Variants in SOD2 observed in about 807,000 individuals in gnomAD.
The protein encoded by SOD2 is superoxide dismutase [Mn], mitochondrial.
In SOD2, 11 loss-of-function variants were observed where a neutral mutation model predicts 27.0. That is an observed-to-expected ratio of 0.41 (90% CI 0.26 to 0.67). The LOEUF (loss-of-function observed/expected upper bound fraction) is 0.67. Ranked by LOEUF, SOD2 falls within the 30% of genes least tolerant of loss-of-function variation. The pLI is 0.34. For synonymous variants in SOD2, 105 were observed against 103.0 expected (o/e 1.02, Z -0.12); for missense variants, 250 against 274.5 (o/e 0.91, Z 0.63).
In SOD2 at chr6:159,670,203, T is replaced by C. The variant is rs1254126476; in HGVS notation, c.*12290A>G. The C allele has an allele frequency of 1.3e-5, 2 of 152,560 alleles. No individual in the cohort carries two copies. The highest frequency in any genetic ancestry group is 4.8e-5 in the African/African-American group (2 of 41,454). The allele number at this position is 152,560 out of a possible 1,614,324, so 9.5% of individuals were successfully genotyped here. ...TTAACTTTCTGTAGAGATGGGGTCTTGCTTTGTTGCCCAGGCTGGTCTCAA... is the reference window on the plus strand; with the variant it reads ...TTAACTTTCTGTAGAGATGGGGTCTCGCTTTGTTGCCCAGGCTGGTCTCAA... On this transcript the variant is annotated 3_prime_UTR_variant, in exon 5 of 5. Transcript: ENST00000538183.
chr6:159,702,654 C>CAAAAAAAAAAAAAAAAAAAAAAAAA (rs750073120), intron 1 of SOD2, among the ~76,000 whole-genome samples: 11 of 39,834 alleles, frequency 2.8e-4, no homozygotes, highest in East Asian at 8.7e-4. Context: ...TCTATCTCTC[C>CAAAAAAAAAAAAAAAAAAAAAAAAA]AAAAAAAAAA....
chr6:159,737,015 A>T (rs1477920708), intron 1 of SOD2, among the ~76,000 whole-genome samples: 1 of 152,208 alleles, frequency 6.6e-6, no homozygotes, highest in African/African-American at 2.4e-5. Context: ...TGCTTTCATA[A>T]TCTGAGAATT....
chr6:159,686,168 A>C (rs776844160), intron 3 of SOD2, among the ~76,000 whole-genome samples: 1 of 152,154 alleles, frequency 6.6e-6, no homozygotes, highest in Non-Finnish European at 1.5e-5. Flanking sequence ...TCAAAATCTC[A>C]CTTCTCTTAT....
upstream of SOD2, among the ~76,000 whole-genome samples, chr6:159,694,761 A>T (rs1349471542): frequency 4.3e-5 from 6 of 140,530 alleles, no homozygotes; most frequent in Non-Finnish European, 6.1e-5. Flanking sequence ...ACGCCCCACT[A>T]TTTTTTTTTT....
Position 159,669,603 on chromosome 6 carries a change from T to C in SOD2, c.*12890A>G, listed in dbSNP as rs971905301. 2.6e-5 allele frequency: 4 copies of C among 152,168 alleles called. No individual in the cohort carries two copies. The highest frequency in any genetic ancestry group is 7.2e-5 in the African/African-American group (3 of 41,432). 9.4% of individuals were successfully genotyped at this position (152,168 alleles called of 1,614,324 possible). On this transcript the variant is annotated 3_prime_UTR_variant, in exon 5 of 5. Transcript: ENST00000538183. ...GGAGGACTGCTTTGAGACCCAGAGT[T>C]TGAGACTAGCCAGGCAACATAGCAT...
exon 1 of SOD2, chr6:159,761,724 A>G: frequency 2.7e-6 from 1 of 363,756 alleles, no homozygotes; most frequent in South Asian, 2.1e-5. Flanking sequence ...CAAGACGTCA[A>G]GTCGGGGAAC....
chr6:159,758,123 C>T (rs957089510), intron 1 of SOD2, among the ~76,000 whole-genome samples: 2 of 152,064 alleles, frequency 1.3e-5, no homozygotes, highest in Admixed American at 6.5e-5. Flanking sequence ...AGAGTGGCTT[C>T]TGCATCTAAT....
rs1024270944 is a variant in SOD2, at chr6:159,677,497, C to T, written c.*4996G>A. The T allele has an allele frequency of 1.3e-5, 2 of 152,160 alleles. No homozygotes were observed. Among genetic ancestry groups the T allele is most frequent in the African/African-American group, 4.8e-5 (2 of 41,418 alleles). The allele number at this position is 152,160 out of a possible 1,614,324, so 9.4% of individuals were successfully genotyped here. A position where few individuals can be genotyped will look rare whatever the true frequency, so the allele number is the denominator to read the frequency against. On this transcript the variant is annotated 3_prime_UTR_variant, in exon 5 of 5. Transcript: ENST00000538183. ...AGGAAGAGTGGTACCAGGTGGTAAGCTCCTATATTCCAATGACCAGAGTAA... is the reference window on the plus strand; with the variant it reads ...AGGAAGAGTGGTACCAGGTGGTAAGTTCCTATATTCCAATGACCAGAGTAA...
intron 1 of SOD2, among the ~76,000 whole-genome samples, chr6:159,751,582 T>C (rs1361438860): frequency 6.6e-6 from 1 of 152,232 alleles, no homozygotes; most frequent in East Asian, 1.9e-4. Flanking sequence ...AATCTGGAGC[T>C]ACAGTAGCAG....
upstream of SOD2, among the ~76,000 whole-genome samples, chr6:159,731,313 A>G (rs1218232766): frequency 1.3e-5 from 2 of 149,570 alleles, no homozygotes; most frequent in African/African-American, 4.9e-5. Context: ...AGAAAAAAAA[A>G]ACAAATTAGC....
Position 159,693,196 on chromosome 6 carries a change from C to T in SOD2, c.-29G>A, listed in dbSNP as rs1777319917. On this transcript the variant is annotated 5_prime_UTR_variant, in exon 1 of 5. Coordinates refer to ENST00000538183, the MANE Select transcript of SOD2 (RefSeq NM_000636.4). ...GCTAGTGCTGGTGCTACCGCTGATG[C>T]CGCCGATCTGCTGAAGCCGCTGCCG... 6.6e-7 allele frequency: 1 copy of T among 1,518,588 alleles called. No homozygotes were observed. 94.1% of individuals were successfully genotyped at this position (1,518,588 alleles called of 1,614,324 possible).
chr6:159,732,885 T>TTG (rs1562452331), intron 1 of SOD2, among the ~76,000 whole-genome samples: 1 of 56,914 alleles, frequency 1.8e-5, no homozygotes, highest in Admixed American at 2.2e-4. Flanking sequence ...TATATATATA[T>TTG]AGTGTGTGTG....
At chr6:159,712,537 TCACCATAACCAC>T (rs1777836982) in intron 1 of SOD2, among the ~76,000 whole-genome samples, 4 of 101,734 alleles carry the variant, frequency 3.9e-5, no homozygotes, top group African/African-American at 1.5e-4. Flanking sequence ...ACTGCTCTGA[TCACCATAACCAC>T]CTCCATAACC....
chr6:159,715,087 A>G (rs1447227167), intron 1 of SOD2, among the ~76,000 whole-genome samples: 1 of 152,016 alleles, frequency 6.6e-6, no homozygotes, highest in East Asian at 1.9e-4. Flanking sequence ...AAGTATGTCT[A>G]GTCCATTTTC....
chr6:159,692,713 G>A lies in SOD2; in HGVS notation c.174C>T (p.Tyr58=), dbSNP rs1199650536. Residue 58 remains tyrosine (Y), a synonymous_variant, in exon 2 of 5, where the codon TAC becomes TAT. Transcript: ENST00000538183. ...CCTCGGTGACGTTCAGGTTGTTCAC[G>A]TAGGCCGCGTGGTGCTTGCTGTGGT... is the stretch of plus-strand genomic sequence containing the variant. ...QLHHSKHHAA[Y]VNNLNVTEEK... is the part of the protein sequence containing the mutation. 2.5e-6 allele frequency: 4 copies of A among 1,614,032 alleles called. No homozygotes were observed. The African/African-American group carries it at 4.0e-5, about 16-fold the overall frequency.
chr6:159,727,307 C>CG, exon 1 of SOD2: 1 of 1,279,116 alleles, frequency 7.8e-7, no homozygotes, highest in South Asian at 1.2e-5. Flanking sequence ...CGAGTGACTG[C>CG]GGCCACGCCT....
chr6:159,727,239 C>A, exon 1 of SOD2: 1 of 1,281,838 alleles, frequency 7.8e-7, no homozygotes, highest in Non-Finnish European at 1.0e-6. Context: ...CCCGATCGGG[C>A]TAGGCCGACG....
At chr6:159,683,054 G>A (rs55642860) in intron 4 of SOD2, among the ~76,000 whole-genome samples, 2,329 of 152,208 alleles carry the variant, frequency 0.015, 35 homozygotes, top group Non-Finnish European at 0.023. Context: ...ACTCACAGGG[G>A]TTTACGAGGA....
intron 1 of SOD2, among the ~76,000 whole-genome samples, chr6:159,700,856 G>T (rs923417970): frequency 2.5e-4 from 38 of 152,110 alleles, no homozygotes; most frequent in Admixed American, 2.1e-3. Context: ...ACTTTTTACT[G>T]ACCTGATTTT....
Sources: allele counts gnomAD v4.1 joint callset (sites outside exome capture counted in the v4.1 genomes callset), GRCh38; gene constraint gnomAD v4.1.1; transcripts MANE v1.5; gene names NCBI Gene and HGNC (gene_info 2026-07-23, HGNC 2026-07-21).